Variants in NUMB observed in about 807,000 individuals in gnomAD.
NUMB encodes the protein NUMB endocytic adaptor protein, also known as protein numb homolog.
A neutral mutation model predicts 59.7 loss-of-function variants in NUMB; 29 were observed. That is an observed-to-expected ratio of 0.49 (90% CI 0.36 to 0.66). NUMB has a LOEUF of 0.66. NUMB is among the 30% of genes least tolerant of loss of function. The pLI, the probability that NUMB is intolerant of heterozygous loss-of-function variation, is 0.00. For synonymous variants in NUMB, 288 were observed against 288.2 expected (o/e 1.00, Z 0.01); for missense variants, 723 against 822.0 (o/e 0.88, Z 1.47).
intron 12 of NUMB, 103 bp downstream of exon 12, chr14:73,279,178 A>T: frequency 3.0e-6 from 4 of 1,322,186 alleles, no homozygotes; most frequent in Non-Finnish European, 4.3e-6. Flanking sequence ...AGTTTTCCTG[A>T]AAGGATTCCT....
intron 3 of NUMB, among the ~76,000 whole-genome samples, chr14:73,358,795 C>T (rs1198505318): frequency 6.6e-6 from 1 of 152,014 alleles, no homozygotes; most frequent in Non-Finnish European, 1.5e-5. Context: ...TAACACACTG[C>T]CTGTCATATA....
At chr14:73,430,015 T>C (rs1489288966) in intron 1 of NUMB, among the ~76,000 whole-genome samples, 1 of 152,002 alleles carries the variant, frequency 6.6e-6, no homozygotes, top group Non-Finnish European at 1.5e-5. Flanking sequence ...TGCATTTACA[T>C]ACAGGTTTTT....
At chr14:73,337,379 T>C (rs1326394900) in intron 4 of NUMB, among the ~76,000 whole-genome samples, 1 of 152,136 alleles carries the variant, frequency 6.6e-6, no homozygotes, top group Non-Finnish European at 1.5e-5. Context: ...TGCATGCCTG[T>C]AATCCCAGCT....
chr14:73,446,214 C>T (rs1366604871), intron 1 of NUMB, among the ~76,000 whole-genome samples: 2 of 150,914 alleles, frequency 1.3e-5, no homozygotes, highest in Admixed American at 6.6e-5. Context: ...CCAGGCTGGT[C>T]TCAAACTTCT....
At chr14:73,325,156 C>T (rs1483079266) in intron 4 of NUMB, among the ~76,000 whole-genome samples, 1 of 149,194 alleles carries the variant, frequency 6.7e-6, no homozygotes, top group Non-Finnish European at 1.5e-5. Context: ...CTCCCTGTCC[C>T]CTTCTTTTGC....
Position 73,292,847 on chromosome 14 carries a change from T to C in NUMB, c.337A>G (p.Lys113Glu). 1 of 1,614,176 alleles carries C rather than the reference T, an allele frequency of 6.2e-7. No homozygotes were observed. Among genetic ancestry groups the C allele is most frequent in the Non-Finnish European group, 8.5e-7 (1 of 1,180,024 alleles). The change falls in exon 8 of 13, where the codon AAA becomes GAA. Residue 113 changes from lysine (K) to glutamate (E), a missense_variant. This residue lies in a region of NUMB where 317 missense variants were observed against 436.6 expected (regional missense o/e 0.73). Coordinates refer to ENST00000555238, the MANE Select transcript of NUMB (RefSeq NM_001005743.2). ...CTGTCTGGGGCACAGAAAGAAACTT[T>C]CTCTATCGTCTGGTCAACTATGAGG... ...KDLIVDQTIEKVSFCAPDRNF... is the reference protein window; with the variant it reads ...KDLIVDQTIEEVSFCAPDRNF...
At chr14:73,406,098 T>G (rs949912154) in intron 2 of NUMB, among the ~76,000 whole-genome samples, 31 of 151,348 alleles carry the variant, frequency 2.0e-4, no homozygotes, top group African/African-American at 6.1e-4. Context: ...TTTTGTTTTT[T>G]TTTTTTTTTA....
At chr14:73,329,480 T>C (rs1891841385) in intron 4 of NUMB, among the ~76,000 whole-genome samples, 1 of 152,216 alleles carries the variant, frequency 6.6e-6, no homozygotes, top group South Asian at 2.1e-4. Context: ...TCTCTCTCTT[T>C]TTCTCTCTCA....
intron 10 of NUMB, among the ~76,000 whole-genome samples, chr14:73,283,572 C>T (rs1888781429): frequency 6.6e-6 from 1 of 152,196 alleles, no homozygotes; most frequent in Non-Finnish European, 1.5e-5. Context: ...GTGAACAAGT[C>T]CACTGTCTGT....
intron 6 of NUMB, among the ~76,000 whole-genome samples, chr14:73,306,267 T>G (rs1890422956): frequency 6.6e-6 from 1 of 152,218 alleles, no homozygotes; most frequent in Non-Finnish European, 1.5e-5. Flanking sequence ...GGAGAGATTT[T>G]GGGGAGGCAA....
chr14:73,403,181 A>G (rs1203241658), intron 2 of NUMB, among the ~76,000 whole-genome samples: 2 of 152,222 alleles, frequency 1.3e-5, no homozygotes, highest in East Asian at 3.8e-4. Context: ...ATGTAGGTGG[A>G]AGGCTGGACC....
chr14:73,404,680 T>C (rs1004580388), intron 2 of NUMB, among the ~76,000 whole-genome samples: 7 of 152,210 alleles, frequency 4.6e-5, no homozygotes, highest in Admixed American at 6.5e-5. Flanking sequence ...GGTTTTGGTA[T>C]TGTACTACAG....
At chr14:73,297,061 G>A (rs1594876248) in intron 7 of NUMB, 150 bp downstream of exon 7, 2 of 512,240 alleles carry the variant, frequency 3.9e-6, no homozygotes, top group East Asian at 8.0e-5. Context: ...CAGCTACTAG[G>A]GAGGCTGAGG....
In NUMB at chr14:73,275,583, A is replaced by G. The variant is rs749010227; in HGVS notation, c.*995T>C. Reference sequence around the variant, plus strand: ...TACCTTAGTGTTAAAGGATTAACATAAGGAAACTGCAGCAATATATAAAAG... The same window carrying G: ...TACCTTAGTGTTAAAGGATTAACATGAGGAAACTGCAGCAATATATAAAAG... On this transcript the variant is annotated 3_prime_UTR_variant, in exon 13 of 13. Transcript: ENST00000555238. 8.5e-5 allele frequency: 13 copies of G among 152,346 alleles called. No individual in the cohort carries two copies. Among genetic ancestry groups the G allele is most frequent in the Middle Eastern group, 3.4e-3 (1 of 294 alleles). 9.4% of individuals were successfully genotyped at this position (152,346 alleles called of 1,614,324 possible). A position where few individuals can be genotyped will look rare whatever the true frequency, so the allele number is the denominator to read the frequency against.
At chr14:73,330,746 T>G (rs1401248644) in intron 4 of NUMB, among the ~76,000 whole-genome samples, 2 of 137,608 alleles carry the variant, frequency 1.5e-5, no homozygotes, top group Non-Finnish European at 3.1e-5. Context: ...CTGTTAGGGT[T>G]TTCCAGAGAG....
At position 73,284,166 on chromosome 14, in the gene NUMB, T is replaced by C; in HGVS notation, c.864A>G (p.Ser288=). Residue 288 remains serine, a synonymous_variant, in exon 10 of 13, where the codon TCA becomes TCG. Transcript: ENST00000555238. The stretch of plus-strand genomic sequence containing the variant: ...GTAGGGATAGTTGGCGTTTAAAGGG[T>C]GACATCTTCTGGCTAAGAGCAGGAA... ...RGFPALSQKM[S]PFKRQLSLRI... 3 of 1,614,164 alleles carry C rather than the reference T, an allele frequency of 1.9e-6. No individual in the cohort carries two copies. Among genetic ancestry groups the C allele is most frequent in the African/African-American group, 1.3e-5 (1 of 75,026 alleles).
Position 73,276,013 on chromosome 14 carries a change from T to C in NUMB, c.*565A>G, listed in dbSNP as rs774011084. On this transcript the variant is annotated 3_prime_UTR_variant, in exon 13 of 13. Coordinates refer to ENST00000555238, the MANE Select transcript of NUMB (RefSeq NM_001005743.2). ...ATTTTGGCTTTTGATATATATAATA[T>C]TTATTCTGTTACTCAAAATGGAAGC... is the stretch of plus-strand genomic sequence containing the variant. 1.5e-4 allele frequency: 23 copies of C among 153,002 alleles called. No homozygotes were observed. The highest frequency in any genetic ancestry group is 3.2e-4 in the Non-Finnish European group (22 of 68,288). 9.5% of individuals were successfully genotyped at this position (153,002 alleles called of 1,614,324 possible). A position where few individuals can be genotyped will look rare whatever the true frequency, so the allele number is the denominator to read the frequency against.
chr14:73,300,441 G>C (rs1890067192), intron 6 of NUMB, among the ~76,000 whole-genome samples: 1 of 152,066 alleles, frequency 6.6e-6, no homozygotes, highest in African/African-American at 2.4e-5. Flanking sequence ...GCTGGGGAGA[G>C]GAAAGACGAC....
intron 1 of NUMB, among the ~76,000 whole-genome samples, chr14:73,437,464 A>G (rs1898107389): frequency 6.6e-6 from 1 of 152,188 alleles, no homozygotes; most frequent in Non-Finnish European, 1.5e-5. Flanking sequence ...AGGGAGATAC[A>G]ACCTGGATCT....
Sources: allele counts gnomAD v4.1 joint callset (sites outside exome capture counted in the v4.1 genomes callset), GRCh38; gene constraint gnomAD v4.1.1; regional missense constraint gnomAD v4.1.1; transcripts MANE v1.5; gene names NCBI Gene and HGNC (gene_info 2026-07-23, HGNC 2026-07-21).